The following MCM9 variants were observed in gnomAD, a reference collection of about 807,000 sequenced individuals.
The protein encoded by MCM9 is minichromosome maintenance 9 homologous recombination repair factor, also known as DNA helicase MCM9.
Under a neutral mutation model 72.8 loss-of-function variants are expected in MCM9, and 55 were observed. That is an observed-to-expected ratio of 0.76 (90% CI 0.61 to 0.95). MCM9 has a LOEUF of 0.95. Ranked by LOEUF, MCM9 falls within the 40% of genes least tolerant of loss-of-function variation. The pLI, the probability that MCM9 is intolerant of heterozygous loss-of-function variation, is 0.00. For synonymous variants in MCM9, 480 were observed against 503.4 expected (o/e 0.95, Z 0.62); for missense variants, 1,279 against 1,377.0 (o/e 0.93, Z 1.13).
At chr6:118,894,807 C>T (rs568020975) in intron 8 of MCM9, among the ~76,000 whole-genome samples, 1 of 152,200 alleles carries the variant, frequency 6.6e-6, no homozygotes, top group African/African-American at 2.4e-5. Context: ...CTCGGAGACC[C>T]GCACTCGCTC....
At chr6:118,830,005 G>A (rs1332722790) in intron 9 of MCM9, among the ~76,000 whole-genome samples, 1 of 152,184 alleles carries the variant, frequency 6.6e-6, no homozygotes, top group Admixed American at 6.5e-5. Flanking sequence ...GGAAAGGACT[G>A]TGGACAGGAT....
Position 118,848,392 on chromosome 6 carries a change from T to C in MCM9, c.1325+7979A>G, listed in dbSNP as rs1377866634. ...AAAACGTAAGCCCTAGAATAGGGGT[T>C]GTCAAACTACAGTCCAAATGCAGCC... On this transcript the variant is annotated intron_variant, in intron 9 of 13. Transcript: ENST00000619706. Among the ~76,000 whole-genome samples the C allele has an allele frequency of 2.0e-5, 3 of 151,782 alleles. No homozygotes were observed. The South Asian group carries it at 6.2e-4, about 31-fold the overall frequency.
At chr6:118,926,616 TC>T (rs1298612544) in intron 3 of MCM9, among the ~76,000 whole-genome samples, 4 of 152,236 alleles carry the variant, frequency 2.6e-5, no homozygotes, top group African/African-American at 9.6e-5. Context: ...AGTACTTCAC[TC>T]TTTTTATGAC....
At chr6:118,891,855 T>C (rs561120079) in intron 8 of MCM9, among the ~76,000 whole-genome samples, 3 of 152,258 alleles carry the variant, frequency 2.0e-5, no homozygotes, top group South Asian at 2.1e-4. Flanking sequence ...AAGTAACCCA[T>C]AGTGAGAAGT....
intron 8 of MCM9, among the ~76,000 whole-genome samples, chr6:118,859,212 A>G (rs374788694): frequency 4.1e-4 from 63 of 152,342 alleles, no homozygotes; most frequent in South Asian, 3.1e-3. Flanking sequence ...ATCTTCATGC[A>G]AGAAGAAAAA....
intron 7 of MCM9, 193 bp from the exon 8 acceptor site, chr6:118,911,962 TCTA>T (rs2114584568): frequency 2.3e-6 from 1 of 427,122 alleles, no homozygotes; most frequent in East Asian, 3.6e-5. Context: ...TGACATAGAA[TCTA>T]AATTCTATTA....
Position 118,907,596 on chromosome 6 carries a change from C to T in MCM9, c.1150+4054G>A, listed in dbSNP as rs768988715. Reference sequence around the variant, plus strand: ...ACTCACTAAATGTCATGTTAGAATCCCACATGGACTGCATGTGACCACCTA... The same window carrying T: ...ACTCACTAAATGTCATGTTAGAATCTCACATGGACTGCATGTGACCACCTA... On this transcript the variant is annotated intron_variant, in intron 8 of 13. Transcript: ENST00000619706. 5 of 1,613,134 alleles carry T rather than the reference C, an allele frequency of 3.1e-6. No individual in the cohort carries two copies. The African/African-American group carries it at 6.7e-5, about 22-fold the overall frequency.
At chr6:118,911,628 T>C (rs1204678141) in intron 8 of MCM9, 22 bp downstream of exon 8, 1 of 1,596,524 alleles carries the variant, frequency 6.3e-7, no homozygotes, top group Non-Finnish European at 8.5e-7. Flanking sequence ...GTTAAATTAC[T>C]TGAAATTGTC....
At chr6:118,883,183 A>C (rs1778403473) in intron 8 of MCM9, among the ~76,000 whole-genome samples, 1 of 152,110 alleles carries the variant, frequency 6.6e-6, no homozygotes, top group Non-Finnish European at 1.5e-5. Context: ...TGAAATGTAC[A>C]ATAACTGAAA....
intron 8 of MCM9, among the ~76,000 whole-genome samples, chr6:118,903,364 A>G (rs1779936792): frequency 6.6e-6 from 1 of 152,192 alleles, no homozygotes; most frequent in African/African-American, 2.4e-5. Context: ...TGTCTTGCCA[A>G]GAGATCATAA....
intron 8 of MCM9, among the ~76,000 whole-genome samples, chr6:118,869,600 A>C (rs1285421471): frequency 2.7e-4 from 4 of 14,644 alleles, no homozygotes; most frequent in Non-Finnish European, 7.3e-4. Context: ...AAGGATTTAC[A>C]AAAAAAAAAA....
chr6:118,916,708 G>T (rs1187651609), intron 6 of MCM9, among the ~76,000 whole-genome samples: 5 of 151,910 alleles, frequency 3.3e-5, no homozygotes, highest in Non-Finnish European at 4.4e-5. Flanking sequence ...CACCATGTTG[G>T]CCAGGCTGGT....
chr6:118,823,163 ACTC>A (rs1405280163), intron 13 of MCM9, among the ~76,000 whole-genome samples: 1 of 151,386 alleles, frequency 6.6e-6, no homozygotes, highest in Non-Finnish European at 1.5e-5. Flanking sequence ...ATGAAAAAAA[ACTC>A]CTGAAGCTAG....
chr6:118,826,115 A>G (rs1330934859), intron 13 of MCM9, 32 bp downstream of exon 13: 1 of 1,531,186 alleles, frequency 6.5e-7, no homozygotes, highest in Admixed American at 2.2e-5. Context: ...AGGATTTTCC[A>G]TTGTATGCCT....
At chr6:118,912,500 A>G (rs1780627983) in intron 7 of MCM9, 1 of 152,224 alleles carries the variant, frequency 6.6e-6, no homozygotes, top group South Asian at 2.1e-4. Context: ...TCCTAAATAC[A>G]TTAATAGGAA....
At chr6:118,921,932 TA>T in intron 5 of MCM9, 72 bp downstream of exon 5, 2 of 1,141,360 alleles carry the variant, frequency 1.8e-6, no homozygotes, top group Non-Finnish European at 2.6e-6. Context: ...CTTGGGAAAA[TA>T]AAAAGTGGCT....
chr6:118,877,224 T>G (rs1271715673), intron 8 of MCM9, among the ~76,000 whole-genome samples: 2 of 152,282 alleles, frequency 1.3e-5, no homozygotes, highest in East Asian at 3.9e-4. Flanking sequence ...AGCCCCCAGT[T>G]GAGCTGCCAC....
intron 12 of MCM9, 98 bp from the exon 13 acceptor site, chr6:118,826,390 GT>G: frequency 7.9e-7 from 1 of 1,261,906 alleles, no homozygotes; most frequent in Non-Finnish European, 1.1e-6. Flanking sequence ...TAAGACCGCC[GT>G]TTACACCCCT....
rs1264436838 is a variant in MCM9, at chr6:118,859,931, T to A, written c.1151-3386A>T. ...AAAAACTGAGAAGCACGTGTGAAGT[T>A]CACAGCCCAGGGACACAAGCTCACT... On this transcript the variant is annotated intron_variant, in intron 8 of 13. Transcript: ENST00000619706. Among the ~76,000 whole-genome samples, 4 of 152,184 alleles carry A rather than the reference T, an allele frequency of 2.6e-5. 1 individual carries two copies. Among genetic ancestry groups the A allele is most frequent in the African/African-American group, 9.7e-5 (4 of 41,438 alleles).
Sources: gnomAD v4.1 joint callset for allele counts (sites outside exome capture counted in the v4.1 genomes callset) on GRCh38, gnomAD v4.1.1 for gene constraint, MANE v1.5 for transcripts, NCBI Gene and HGNC (gene_info 2026-07-23, HGNC 2026-07-21) for gene names.